XXYLT1: variants seen among roughly 807,000 people sequenced by gnomAD.
The protein encoded by XXYLT1 is xyloside xylosyltransferase 1.
Under a neutral mutation model 28.9 loss-of-function variants are expected in XXYLT1, and 20 were observed. The ratio of observed to expected loss-of-function variants is 0.69; its 90% CI spans 0.49 to 1.00. XXYLT1 has a LOEUF of 1.00. Among genes scored for constraint, XXYLT1 ranks in the 50% least tolerant of loss-of-function variants. The pLI, the probability that XXYLT1 is intolerant of heterozygous loss-of-function variation, is 0.00. For synonymous variants in XXYLT1, 257 were observed against 253.8 expected (o/e 1.01, Z -0.12); for missense variants, 542 against 560.1 (o/e 0.97, Z 0.33).
At chr3:195,169,281 A>C (rs1577103303) in intron 2 of XXYLT1, among the ~76,000 whole-genome samples, 1 of 152,362 alleles carries the variant, frequency 6.6e-6, no homozygotes, top group African/African-American at 2.4e-5. Flanking sequence ...TCCAAGGGGA[A>C]GTCTGCCACG....
chr3:195,226,689 C>T lies in XXYLT1; in HGVS notation c.652+20G>A, dbSNP rs773694469. 1.9e-6 allele frequency: 3 copies of T among 1,609,518 alleles called. No individual in the cohort carries two copies. The South Asian group carries it at 3.3e-5, about 18-fold the overall frequency. Reference sequence around the variant, plus strand: ...AAAGTCAGACACCCAGGGGCTATTGCTCCTGGAAGCCCAGGTTACCTTTGG... The same window carrying T: ...AAAGTCAGACACCCAGGGGCTATTGTTCCTGGAAGCCCAGGTTACCTTTGG... On this transcript the variant is annotated intron_variant, in intron 2 of 3. Transcript: ENST00000310380.
intron 2 of XXYLT1, chr3:195,175,871 C>T: frequency 7.1e-7 from 1 of 1,414,024 alleles, no homozygotes; most frequent in Middle Eastern, 2.6e-4. Flanking sequence ...GCCAATGCAT[C>T]CAGTGTGACA....
rs752011029 is a variant in XXYLT1 at position 195,257,082 on chromosome 3, G to C, written c.504+13473C>G. ...AGGAGAACCCGTGACAAGAGGGACCGGGAAGCTTTCTTTACAAGCTTGAGG... is the reference window on the plus strand; with the variant it reads ...AGGAGAACCCGTGACAAGAGGGACCCGGAAGCTTTCTTTACAAGCTTGAGG... On this transcript the variant is annotated intron_variant, in intron 1 of 3. Coordinates refer to ENST00000310380, the MANE Select transcript of XXYLT1 (RefSeq NM_152531.5). The surrounding 1 kb of genome is among the most constrained non-coding windows in gnomAD (Gnocchi z 4.3). Among the ~76,000 whole-genome samples, 2 of 152,220 alleles carry C rather than the reference G, an allele frequency of 1.3e-5. No homozygotes were observed. The highest frequency in any genetic ancestry group is 4.1e-4 in the South Asian group (2 of 4,832).
chr3:195,134,017 A>C (rs1174228851), intron 3 of XXYLT1, among the ~76,000 whole-genome samples: 1 of 152,132 alleles, frequency 6.6e-6, no homozygotes, highest in African/African-American at 2.4e-5. Context: ...TTTGAGACCA[A>C]CCTCGGCAAT....
intron 3 of XXYLT1, among the ~76,000 whole-genome samples, chr3:195,149,822 T>C (rs1263827848): frequency 2.6e-5 from 4 of 152,234 alleles, no homozygotes; most frequent in East Asian, 1.9e-4. Flanking sequence ...GATAAGACAC[T>C]ATTAATAAAT....
chr3:195,070,211 C>T lies in XXYLT1; in HGVS notation c.786-100G>A, dbSNP rs902918899. On this transcript the variant is annotated intron_variant, in intron 3 of 3. Transcript: ENST00000310380. The stretch of plus-strand genomic sequence containing the variant: ...CAGCCAGCCTGCATGCAAACACTGC[C>T]ACATTCCGGGGTGCAGAATCCGCAT... The T allele has an allele frequency of 7.7e-6, 11 of 1,432,822 alleles. No homozygotes were observed. The Admixed American group carries it at 2.5e-4, about 32-fold the overall frequency. 88.8% of individuals were successfully genotyped at this position (1,432,822 alleles called of 1,614,324 possible).
At chr3:195,175,865 A>G (rs1395445422) in intron 2 of XXYLT1, 3 of 1,419,094 alleles carry the variant, frequency 2.1e-6, no homozygotes, top group East Asian at 2.6e-5. Flanking sequence ...TAGAAAGCCA[A>G]TGCATCCAGT....
At chr3:195,082,509 C>T (rs1715490441) in intron 3 of XXYLT1, among the ~76,000 whole-genome samples, 1 of 152,204 alleles carries the variant, frequency 6.6e-6, no homozygotes, top group Admixed American at 6.5e-5. Context: ...GGCATAAACA[C>T]ACGGAACCTC....
intron 1 of XXYLT1, among the ~76,000 whole-genome samples, chr3:195,265,856 C>T (rs1458768185): frequency 2.0e-5 from 3 of 152,174 alleles, no homozygotes; most frequent in African/African-American, 4.8e-5. Flanking sequence ...GGTGGCTTCA[C>T]GAAGCCCCCA....
chr3:195,119,270 C>T (rs1171461703), intron 3 of XXYLT1, among the ~76,000 whole-genome samples: 27 of 133,828 alleles, frequency 2.0e-4, no homozygotes, highest in Admixed American at 9.2e-4. Context: ...GGAGACACAG[C>T]GAGACTCCAT....
chr3:195,155,947 C>T (rs977471700), intron 3 of XXYLT1, among the ~76,000 whole-genome samples: 8 of 152,262 alleles, frequency 5.3e-5, no homozygotes, highest in African/African-American at 1.9e-4. Context: ...CTCCATGACA[C>T]AGGCTTGACA....
chr3:195,254,191 C>T (rs1316584290), intron 1 of XXYLT1, among the ~76,000 whole-genome samples: 1 of 152,254 alleles, frequency 6.6e-6, no homozygotes, highest in Non-Finnish European at 1.5e-5. Context: ...GCAGGTTCTC[C>T]AGGGCCTCAG....
At position 195,132,243 on chromosome 3, in the gene XXYLT1, G is replaced by A. The variant is rs185949737; in HGVS notation, c.785+24206C>T. Among the ~76,000 whole-genome samples, 9 of 152,216 alleles carry A rather than the reference G, an allele frequency of 5.9e-5. No individual in the cohort carries two copies. In the East Asian group the frequency reaches 1.7e-3, roughly 29 times the overall value. ...GGATAGAAATAGTATTGGCTTTATG[G>A]AGTTGGGATAATTAAACATTCCAAT... On this transcript the variant is annotated intron_variant, in intron 3 of 3. Coordinates refer to ENST00000310380, the MANE Select transcript of XXYLT1 (RefSeq NM_152531.5).
At chr3:195,198,030 G>C (rs1018711639) in intron 2 of XXYLT1, among the ~76,000 whole-genome samples, 1 of 152,342 alleles carries the variant, frequency 6.6e-6, no homozygotes, top group South Asian at 2.1e-4. Flanking sequence ...CCCTATCCAT[G>C]AAATCGGACT....
chr3:195,260,211 C>A (rs1402801043), intron 1 of XXYLT1: 1 of 150,420 alleles, frequency 6.6e-6, no homozygotes. Flanking sequence ...AGCGGCGCCC[C>A]CAGGCGGCCG....
rs754571900 is a variant in XXYLT1, at chr3:195,133,078, G to A, written c.785+23371C>T. ...TAAATAAAAAACCCTGCTTGGGGTGGAGGTGGTGGGCAAGTGTAAGCACCA... is the reference window on the plus strand; with the variant it reads ...TAAATAAAAAACCCTGCTTGGGGTGAAGGTGGTGGGCAAGTGTAAGCACCA... On this transcript the variant is annotated intron_variant, in intron 3 of 3. Coordinates refer to ENST00000310380, the MANE Select transcript of XXYLT1 (RefSeq NM_152531.5). This position sits in a 1 kb window ranked among gnomAD's most constrained non-coding sequence, Gnocchi z 4.4. Among the ~76,000 whole-genome samples the A allele has an allele frequency of 1.2e-4, 18 of 152,288 alleles. No homozygotes were observed. The highest frequency in any genetic ancestry group is 1.9e-4 in the Non-Finnish European group (13 of 68,040).
chr3:195,103,395 G>GGCCTGCGTCCATCACCCCACGCCAGCA (rs1716909634), intron 3 of XXYLT1, among the ~76,000 whole-genome samples: 1 of 150,290 alleles, frequency 6.7e-6, no homozygotes, highest in Non-Finnish European at 1.5e-5. Context: ...CCACGCCAGC[G>GGCCTGCGTCCATCACCCCACGCCAGCA]GCCTGCGTCC....
In XXYLT1 at chr3:195,076,195, G is replaced by A. The variant is rs573435907; in HGVS notation, c.786-6084C>T. Among the ~76,000 whole-genome samples the A allele has an allele frequency of 2.8e-4, 43 of 152,330 alleles. 1 individual carries two copies. In the South Asian group the frequency reaches 8.7e-3, roughly 31 times the overall value. On this transcript the variant is annotated intron_variant, in intron 3 of 3. Coordinates refer to ENST00000310380, the MANE Select transcript of XXYLT1 (RefSeq NM_152531.5). The surrounding 1 kb of genome is among the most constrained non-coding windows in gnomAD (Gnocchi z 5.3). ...AGGTTCAGGGAAGGAAGAGGGCCTG[G>A]AGGAAGGTCTGGGGGCTCGGGGAAG... is the stretch of plus-strand genomic sequence containing the variant.
At chr3:195,087,812 T>C (rs1156440356) in intron 3 of XXYLT1, among the ~76,000 whole-genome samples, 10 of 151,898 alleles carry the variant, frequency 6.6e-5, no homozygotes, top group East Asian at 1.9e-4. Flanking sequence ...TGGGCGCAGG[T>C]CAGTGGGTGC....
Sources: allele counts gnomAD v4.1 joint callset (sites outside exome capture counted in the v4.1 genomes callset), GRCh38; gene constraint gnomAD v4.1.1; non-coding constraint Gnocchi (gnomAD v3.1); transcripts MANE v1.5; gene names NCBI Gene and HGNC (gene_info 2026-07-23, HGNC 2026-07-21).